The following CRIM1 variants were observed in gnomAD, a reference collection of about 807,000 sequenced individuals.
CRIM1 encodes the protein cysteine rich transmembrane BMP regulator 1, also known as cysteine-rich motor neuron 1 protein.
A neutral mutation model predicts 116.4 loss-of-function variants in CRIM1; 32 were observed. The observed-to-expected ratio is 0.27, with a 90% CI of 0.21 to 0.37. The LOEUF (loss-of-function observed/expected upper bound fraction) is 0.37. Ranked by LOEUF, CRIM1 falls within the 10% of genes least tolerant of loss-of-function variation. The pLI, the probability that CRIM1 is intolerant of heterozygous loss-of-function variation, is 1.00. For synonymous variants in CRIM1, 590 were observed against 509.2 expected, an observed-to-expected ratio of 1.16 and a Z score of -2.13; for missense variants, 1,331 against 1,354.8, an observed-to-expected ratio of 0.98 and a Z score of 0.28.
chr2:36,473,810 C>T (rs1333834177), intron 5 of CRIM1, among the ~76,000 whole-genome samples: 1 of 152,092 alleles, frequency 6.6e-6, no homozygotes, highest in Admixed American at 6.5e-5. Context: ...GGCTCTTGGG[C>T]TGCTAGGAAC....
At chr2:36,357,128 A>G (rs1186991717) in intron 1 of CRIM1, among the ~76,000 whole-genome samples, 1 of 152,078 alleles carries the variant, frequency 6.6e-6, no homozygotes, top group Admixed American at 6.5e-5. Flanking sequence ...AGTGACTCTT[A>G]TTATTTTTTC....
At chr2:36,480,323 C>G (rs1679308572) in intron 7 of CRIM1, among the ~76,000 whole-genome samples, 1 of 152,170 alleles carries the variant, frequency 6.6e-6, no homozygotes, top group Non-Finnish European at 1.5e-5. Context: ...TTCCTCCATC[C>G]TGGGAAGATT....
At chr2:36,422,546 C>T (rs745749546) in intron 2 of CRIM1, among the ~76,000 whole-genome samples, 12 of 152,188 alleles carry the variant, frequency 7.9e-5, no homozygotes, top group Non-Finnish European at 1.5e-4. Context: ...TATCGCTCTT[C>T]AGATTCACCA....
chr2:36,374,939 C>T (rs1045210207), intron 1 of CRIM1, among the ~76,000 whole-genome samples: 12 of 151,154 alleles, frequency 7.9e-5, no homozygotes, highest in Non-Finnish European at 1.8e-4. Flanking sequence ...AGTTAACTAA[C>T]GATTTGTAGG....
At chr2:36,450,424 A>G (rs1014870646) in intron 4 of CRIM1, among the ~76,000 whole-genome samples, 1 of 152,190 alleles carries the variant, frequency 6.6e-6, no homozygotes, top group African/African-American at 2.4e-5. Flanking sequence ...TTTTACATTT[A>G]ATCGTGCATA....
chr2:36,477,380 A>C (rs1007484540), intron 6 of CRIM1, among the ~76,000 whole-genome samples: 3 of 152,150 alleles, frequency 2.0e-5, no homozygotes, highest in Non-Finnish European at 4.4e-5. Flanking sequence ...AGCAAGTCCT[A>C]GGGCAAAGCT....
Position 36,528,464 on chromosome 2 carries a change from A to C in CRIM1, c.2428+6151A>C, listed in dbSNP as rs966113965. On this transcript the variant is annotated intron_variant, in intron 13 of 16. Coordinates refer to ENST00000280527, the MANE Select transcript of CRIM1 (RefSeq NM_016441.3). The stretch of plus-strand genomic sequence containing the variant: ...TTTCATACCTCTAGACATTATCAGA[A>C]GTGAGAAAATAGGGCTCATTTATTT... 5.3e-5 allele frequency among the ~76,000 whole-genome samples: 8 copies of C among 152,234 alleles called. No individual in the cohort carries two copies. In the South Asian group the frequency reaches 8.3e-4, roughly 16 times the overall value.
In CRIM1 at chr2:36,548,865, G is replaced by C. The variant is rs1667544406; in HGVS notation, c.*164G>C. ...TGGGCTCTGTCTACAGCAATGTGCA[G>C]AACAAGCATTCCCACTTTTCCTCAA... On this transcript the variant is annotated 3_prime_UTR_variant, in exon 17 of 17. Coordinates refer to ENST00000280527, the MANE Select transcript of CRIM1 (RefSeq NM_016441.3). 2.2e-6 allele frequency: 1 copy of C among 450,958 alleles called. No homozygotes were observed. Among genetic ancestry groups the C allele is most frequent in the Non-Finnish European group, 3.8e-6 (1 of 261,032 alleles). The allele number at this position is 450,958 out of a possible 1,614,324, so 27.9% of individuals were successfully genotyped here. A position where few individuals can be genotyped will look rare whatever the true frequency, so the allele number is the denominator to read the frequency against.
chr2:36,489,492 C>T (rs563589888), intron 7 of CRIM1, among the ~76,000 whole-genome samples: 2 of 152,100 alleles, frequency 1.3e-5, no homozygotes, highest in Non-Finnish European at 2.9e-5. Flanking sequence ...TTATGTTAGA[C>T]GAATTCCACA....
chr2:36,539,444 A>C (rs1666788385), intron 14 of CRIM1, among the ~76,000 whole-genome samples: 1 of 152,236 alleles, frequency 6.6e-6, no homozygotes, highest in South Asian at 2.1e-4. Context: ...AGGGTCTCGC[A>C]GATGAGTGCA....
chr2:36,489,657 T>C (rs1437189030), intron 7 of CRIM1, among the ~76,000 whole-genome samples: 2 of 152,220 alleles, frequency 1.3e-5, no homozygotes, highest in Non-Finnish European at 2.9e-5. Flanking sequence ...TGAGATCTGC[T>C]CGTTAAAGAC....
intron 2 of CRIM1, among the ~76,000 whole-genome samples, chr2:36,440,891 G>A (rs1456497544): frequency 1.3e-5 from 2 of 152,172 alleles, no homozygotes; most frequent in East Asian, 3.8e-4. Flanking sequence ...AGCCTTTAAA[G>A]CTCTTTTGAA....
chr2:36,457,984 G>T (rs528271859), intron 4 of CRIM1, among the ~76,000 whole-genome samples: 2 of 152,136 alleles, frequency 1.3e-5, no homozygotes, highest in Admixed American at 6.5e-5. Flanking sequence ...CTTGTTTCCT[G>T]ACTAAAGGGC....
chr2:36,400,126 T>G (rs1440772483), intron 2 of CRIM1, among the ~76,000 whole-genome samples: 1 of 151,196 alleles, frequency 6.6e-6, no homozygotes, highest in Non-Finnish European at 1.5e-5. Context: ...ATAAGAGAAC[T>G]TTATGGTGAT....
chr2:36,433,709 C>G (rs1675078044), intron 2 of CRIM1, among the ~76,000 whole-genome samples: 1 of 152,146 alleles, frequency 6.6e-6, no homozygotes, highest in South Asian at 2.1e-4. Context: ...GATTTTAATG[C>G]ACAGCCAGGG....
chr2:36,369,120 A>C (rs1338704356), intron 1 of CRIM1: 1 of 152,172 alleles, frequency 6.6e-6, no homozygotes, highest in Non-Finnish European at 1.5e-5. Flanking sequence ...TGGTTGGTGC[A>C]TATTAGCTTA....
intron 2 of CRIM1, 22 bp from the exon 3 acceptor site, chr2:36,441,236 A>C: frequency 6.2e-7 from 1 of 1,613,950 alleles, no homozygotes; most frequent in Non-Finnish European, 8.5e-7. Context: ...GGCATAAGCT[A>C]AATTCTTTCT....
chr2:36,448,305 C>T (rs1055051122), intron 4 of CRIM1, among the ~76,000 whole-genome samples: 5 of 152,248 alleles, frequency 3.3e-5, no homozygotes, highest in Non-Finnish European at 7.3e-5. Context: ...AAGGATGGAT[C>T]CAGCCTGGGC....
intron 2 of CRIM1, among the ~76,000 whole-genome samples, chr2:36,425,225 G>A (rs1325953348): frequency 6.6e-6 from 1 of 152,186 alleles, no homozygotes; most frequent in Non-Finnish European, 1.5e-5. Flanking sequence ...ATACCACTTG[G>A]CTTTCTGAGT....
Sources: gnomAD v4.1 joint callset for allele counts (sites outside exome capture counted in the v4.1 genomes callset) on GRCh38, gnomAD v4.1.1 for gene constraint, MANE v1.5 for transcripts, NCBI Gene and HGNC (gene_info 2026-07-23, HGNC 2026-07-21) for gene names.